Variants in GLYATL3 observed in about 807,000 individuals in gnomAD.
The protein encoded by GLYATL3 is glycine N-acyltransferase-like protein 3.
Under a neutral mutation model 28.5 loss-of-function variants are expected in GLYATL3, and 31 were observed. The observed-to-expected ratio is 1.09, with a 90% confidence interval of 0.82 to 1.47. The LOEUF is 1.47. Ranked by LOEUF, GLYATL3 falls within the 40% of genes most tolerant of loss-of-function variation. GLYATL3 has a pLI of 0.00. For missense variants in GLYATL3, 369 were observed against 351.5 expected (o/e 1.05, Z -0.40); for synonymous variants, 141 against 140.2 (o/e 1.01, Z -0.04).
chr6:49,503,510 T>C (rs1378786597), intron 1 of GLYATL3, among the ~76,000 whole-genome samples: 4 of 152,250 alleles, frequency 2.6e-5, no homozygotes, highest in African/African-American at 9.6e-5. Flanking sequence ...CACTACTTTT[T>C]TGATAAGTAA....
chr6:49,510,168 T>C (rs1234094131), intron 1 of GLYATL3, among the ~76,000 whole-genome samples: 1 of 151,716 alleles, frequency 6.6e-6, no homozygotes. Flanking sequence ...TCAGCCTCCC[T>C]AGTAGCTGGG....
chr6:49,509,913 A>T, intron 1 of GLYATL3, among the ~76,000 whole-genome samples: 1 of 148,696 alleles, frequency 6.7e-6, no homozygotes, highest in African/African-American at 2.5e-5. Flanking sequence ...TTTAAACTTA[A>T]TTATTTTTCT....
chr6:49,518,777 A>G (rs187204925), intron 4 of GLYATL3, among the ~76,000 whole-genome samples: 1 of 152,134 alleles, frequency 6.6e-6, no homozygotes, highest in Admixed American at 6.5e-5. Context: ...CGTCTCTACT[A>G]AAAATACAAA....
At chr6:49,515,624 T>C (rs1769200612) in intron 2 of GLYATL3, 29 bp from the exon 3 acceptor site, 1 of 1,288,154 alleles carries the variant, frequency 7.8e-7, no homozygotes, top group African/African-American at 1.5e-5. Context: ...AATAGTATGA[T>C]TGGCTTGTCT....
intron 5 of GLYATL3, among the ~76,000 whole-genome samples, chr6:49,522,818 A>C (rs910233740): frequency 6.6e-6 from 1 of 152,212 alleles, no homozygotes; most frequent in East Asian, 1.9e-4. Context: ...AAAATTTCAA[A>C]CACACATAAA....
intron 1 of GLYATL3, among the ~76,000 whole-genome samples, chr6:49,505,537 G>GT (rs1162140206): frequency 6.6e-6 from 1 of 152,206 alleles, no homozygotes; most frequent in Non-Finnish European, 1.5e-5. Flanking sequence ...TGATGAATGA[G>GT]TAAGTTCTGG....
chr6:49,511,944 C>A lies in GLYATL3; in HGVS notation c.-28-19C>A. 1.1e-6 allele frequency: 1 copy of A among 901,718 alleles called. No homozygotes were observed. 55.9% of individuals were successfully genotyped at this position (901,718 alleles called of 1,614,324 possible). ...TTAACAGGCAAAAATTAAATGCCTACCTTCAAGTTTCTAATTAGGTGTGGA... is the reference window on the plus strand; with the variant it reads ...TTAACAGGCAAAAATTAAATGCCTAACTTCAAGTTTCTAATTAGGTGTGGA... On this transcript the variant is annotated intron_variant, in intron 1 of 5. Coordinates refer to ENST00000371197, the MANE Select transcript of GLYATL3 (RefSeq NM_001010904.2).
rs1769414249 is a variant in GLYATL3 at position 49,526,427 on chromosome 6, G to A, written c.441-61G>A. 4 of 1,380,358 alleles carry A rather than the reference G, an allele frequency of 2.9e-6. No individual in the cohort carries two copies. In the South Asian group the frequency reaches 4.1e-5, roughly 14 times the overall value. The allele number at this position is 1,380,358 out of a possible 1,614,324, so 85.5% of individuals were successfully genotyped here. ...GACTGTGTCTCGAAAAAAAAAATGT[G>A]TAGTTATGTATAACCACATGAGTCT... On this transcript the variant is annotated intron_variant, in intron 5 of 5. Transcript: ENST00000371197.
In GLYATL3 at chr6:49,525,560, C is replaced by CAAAA. The variant is rs56711143; in HGVS notation, c.441-896_441-893dup. Among the ~76,000 whole-genome samples the CAAAA allele has an allele frequency of 1.4e-3, 96 of 66,592 alleles. 5 individuals are homozygous for CAAAA. Among genetic ancestry groups the CAAAA allele is most frequent in the African/African-American group, 5.4e-3 (83 of 15,298 alleles). 43.7% of individuals were successfully genotyped at this position (66,592 alleles called of 152,430 possible). On this transcript the variant is annotated intron_variant, in intron 5 of 5. Coordinates refer to ENST00000371197, the MANE Select transcript of GLYATL3 (RefSeq NM_001010904.2). ...AAACTGAGAGACAGAGCAAGGCTCT[C>CAAAA]AAAAAAAAAAAAAAAAAAAAAAAAA...
intron 4 of GLYATL3, among the ~76,000 whole-genome samples, chr6:49,520,735 G>A (rs1310942127): frequency 6.6e-6 from 1 of 152,168 alleles, no homozygotes; most frequent in Admixed American, 6.5e-5. Context: ...ACCAGGAAGG[G>A]CCAGGCATGG....
intron 5 of GLYATL3, among the ~76,000 whole-genome samples, chr6:49,523,373 C>T (rs1046628918): frequency 5.3e-5 from 8 of 152,216 alleles, no homozygotes; most frequent in East Asian, 3.8e-4. Context: ...TTGTCTACCA[C>T]GGAAACTTAT....
intron 4 of GLYATL3, among the ~76,000 whole-genome samples, chr6:49,518,610 C>T (rs968084226): frequency 3.9e-5 from 6 of 152,034 alleles, no homozygotes; most frequent in African/African-American, 1.4e-4. Flanking sequence ...TAATGATTAA[C>T]ACATGGTCAT....
Position 49,526,695 on chromosome 6 carries a change from C to T in GLYATL3, c.648C>T (p.Tyr216=), listed in dbSNP as rs374219565. The T allele has an allele frequency of 2.8e-5, 44 of 1,551,658 alleles. No homozygotes were observed. Among genetic ancestry groups the T allele is most frequent in the Middle Eastern group, 1.7e-4 (1 of 6,014 alleles). Residue 216 remains tyrosine (Y), a synonymous_variant, in exon 6 of 6, where the codon TAC becomes TAT. Coordinates refer to ENST00000371197, the MANE Select transcript of GLYATL3 (RefSeq NM_001010904.2). ...AGTTTGCCACCATGTGCCATGGCTA[C>T]ACCCTGCCAGAACATCGCAGGAAAG... ...TDQFATMCHG[Y]TLPEHRRKGY...
At chr6:49,509,942 TTCTTTC>T (rs778468027) in intron 1 of GLYATL3, among the ~76,000 whole-genome samples, 3,130 of 63,310 alleles carry the variant, frequency 0.049, 64 homozygotes, top group South Asian at 0.061. Context: ...TTTACGTATT[TTCTTTC>T]TCTTTCTTTC....
intron 1 of GLYATL3, among the ~76,000 whole-genome samples, chr6:49,510,872 T>C (rs1478697164): frequency 2.0e-5 from 3 of 152,246 alleles, no homozygotes; most frequent in African/African-American, 7.2e-5. Context: ...GATCATATGC[T>C]TTCCAGAGGT....
At chr6:49,507,746 G>A (rs770035987) in intron 1 of GLYATL3, among the ~76,000 whole-genome samples, 173 of 152,056 alleles carry the variant, frequency 1.1e-3, no homozygotes, top group Non-Finnish European at 1.1e-3. Flanking sequence ...CAGACAGATC[G>A]GCAGGTTGAA....
intron 5 of GLYATL3, among the ~76,000 whole-genome samples, chr6:49,522,096 A>G (rs1769326784): frequency 6.6e-6 from 1 of 152,170 alleles, no homozygotes; most frequent in Admixed American, 6.5e-5. Flanking sequence ...TCTAAATAAT[A>G]TATACTGTCT....
chr6:49,507,276 A>G (rs1769027462), intron 1 of GLYATL3, among the ~76,000 whole-genome samples: 1 of 152,106 alleles, frequency 6.6e-6, no homozygotes, highest in Non-Finnish European at 1.5e-5. Flanking sequence ...CATGAATAAG[A>G]GCCCAGTCAG....
Position 49,524,550 on chromosome 6 carries a change from T to C in GLYATL3, c.441-1938T>C, listed in dbSNP as rs190011405. 2.0e-3 allele frequency among the ~76,000 whole-genome samples: 311 copies of C among 152,348 alleles called. 2 individuals carry two copies. Among genetic ancestry groups the C allele is most frequent in the African/African-American group, 7.1e-3 (297 of 41,578 alleles). ...TTCTTTATCTTAATATCAGGGGCTT[T>C]ATATAGTAAACTAATAAAAACTTTC... On this transcript the variant is annotated intron_variant, in intron 5 of 5. Coordinates refer to ENST00000371197, the MANE Select transcript of GLYATL3 (RefSeq NM_001010904.2).
Sources: allele counts gnomAD v4.1 joint callset (sites outside exome capture counted in the v4.1 genomes callset), GRCh38; gene constraint gnomAD v4.1.1; transcripts MANE v1.5; gene names NCBI Gene and HGNC (gene_info 2026-07-23, HGNC 2026-07-21).